Variants in UBASH3B observed in about 807,000 individuals in gnomAD.
The protein encoded by UBASH3B is ubiquitin-associated and SH3 domain-containing protein B.
A neutral mutation model predicts 83.4 loss-of-function variants in UBASH3B; 37 were observed. The ratio of observed to expected loss-of-function variants is 0.44; its 90% CI spans 0.34 to 0.58. The LOEUF (loss-of-function observed/expected upper bound fraction) is 0.58. Among genes scored for constraint, UBASH3B ranks in the 20% least tolerant of loss-of-function variants. The pLI is 0.01. For missense variants in UBASH3B, 657 were observed against 827.2 expected, an observed-to-expected ratio of 0.79 and a Z score of 2.52; for synonymous variants, 304 against 318.3, an observed-to-expected ratio of 0.96 and a Z score of 0.48.
chr11:122,780,578 G>A (rs1418912512), intron 4 of UBASH3B, among the ~76,000 whole-genome samples: 1 of 152,240 alleles, frequency 6.6e-6, no homozygotes, highest in African/African-American at 2.4e-5. Flanking sequence ...ACAGGGAAGA[G>A]AACAAGAAGT....
Position 122,699,262 on chromosome 11 carries a change from A to G in UBASH3B, c.161+43052A>G, listed in dbSNP as rs184873862. ...TATTTTATTTAATCCTCATGGCAAC[A>G]CTCAGTGTCTTACAGATGGAAAAAT... On this transcript the variant is annotated intron_variant, in intron 1 of 13. Transcript: ENST00000284273. Among the ~76,000 whole-genome samples, 176 of 152,326 alleles carry G rather than the reference A, an allele frequency of 1.2e-3. 1 individual carries two copies. Among genetic ancestry groups the G allele is most frequent in the Non-Finnish European group, 1.1e-3 (72 of 68,030 alleles).
intron 1 of UBASH3B, among the ~76,000 whole-genome samples, chr11:122,774,905 T>A (rs756830039): frequency 2.0e-5 from 3 of 152,130 alleles, no homozygotes; most frequent in African/African-American, 4.8e-5. Context: ...CAGATTTCAC[T>A]TGAAATGTTC....
rs1486346081 is a variant in UBASH3B, at chr11:122,759,810, CACGT to C, written c.162-16406_162-16403del. ...CTGTGCAGCCTGGCTCCTAACAGGCCACGTACCAGTACCCATCTGTGGCTCAGGG... is the reference window on the plus strand; with the variant it reads ...CTGTGCAGCCTGGCTCCTAACAGGCCACCAGTACCCATCTGTGGCTCAGGG... On this transcript the variant is annotated intron_variant, in intron 1 of 13. Coordinates refer to ENST00000284273, the MANE Select transcript of UBASH3B (RefSeq NM_032873.5). This position sits in a 1 kb window ranked among gnomAD's most constrained non-coding sequence, Gnocchi z 4.1. 2.0e-5 allele frequency among the ~76,000 whole-genome samples: 3 copies of C among 152,208 alleles called. No homozygotes were observed. Among genetic ancestry groups the C allele is most frequent in the Non-Finnish European group, 4.4e-5 (3 of 68,052 alleles).
At chr11:122,680,239 C>T (rs890908093) in intron 1 of UBASH3B, among the ~76,000 whole-genome samples, 1 of 152,218 alleles carries the variant, frequency 6.6e-6, no homozygotes, top group African/African-American at 2.4e-5. Context: ...GGCTCTTGAT[C>T]TGTGGGTTTC....
intron 1 of UBASH3B, among the ~76,000 whole-genome samples, chr11:122,694,764 A>C (rs1168122918): frequency 1.3e-5 from 2 of 151,976 alleles, no homozygotes; most frequent in East Asian, 1.9e-4. Flanking sequence ...AGAGCTCCTA[A>C]AACAAGCCTT....
chr11:122,785,867 A>T (rs931548398), intron 5 of UBASH3B, among the ~76,000 whole-genome samples: 2 of 152,202 alleles, frequency 1.3e-5, no homozygotes, highest in East Asian at 3.9e-4. Flanking sequence ...ACAGCAACGA[A>T]AAATTGCTGC....
At chr11:122,666,828 G>A (rs1255859829) in intron 1 of UBASH3B, among the ~76,000 whole-genome samples, 6 of 151,800 alleles carry the variant, frequency 4.0e-5, no homozygotes, top group Admixed American at 2.6e-4. Flanking sequence ...CCACTGTAAT[G>A]CATCTGGCTC....
At chr11:122,777,304 A>G in intron 3 of UBASH3B, 94 bp downstream of exon 3, 1 of 1,360,380 alleles carries the variant, frequency 7.4e-7, no homozygotes, top group Non-Finnish European at 9.9e-7. Context: ...TCGCAGGAAG[A>G]CAGCAGGAAT....
At chr11:122,769,588 C>T (rs1187854190) in intron 1 of UBASH3B, among the ~76,000 whole-genome samples, 8 of 152,352 alleles carry the variant, frequency 5.3e-5, no homozygotes, top group African/African-American at 1.9e-4. Context: ...GTTGAGCAGC[C>T]TCAGAGCATC....
At chr11:122,756,997 G>A (rs1861292441) in intron 1 of UBASH3B, among the ~76,000 whole-genome samples, 1 of 152,338 alleles carries the variant, frequency 6.6e-6, no homozygotes, top group East Asian at 1.9e-4. Flanking sequence ...ATTGAAGTAA[G>A]TGATCTTAGT....
intron 1 of UBASH3B, among the ~76,000 whole-genome samples, chr11:122,702,221 G>A (rs186861097): frequency 6.7e-4 from 102 of 152,250 alleles, no homozygotes; most frequent in African/African-American, 2.5e-3. Flanking sequence ...CGAATTATTT[G>A]CTTTAGTAAT....
intron 11 of UBASH3B, among the ~76,000 whole-genome samples, chr11:122,801,952 G>A (rs1861265232): frequency 6.6e-6 from 1 of 151,994 alleles, no homozygotes; most frequent in Non-Finnish European, 1.5e-5. Flanking sequence ...CATTAGACCC[G>A]ACTGTGCTGG....
At position 122,812,815 on chromosome 11, in the gene UBASH3B, A is replaced by G. The variant is rs1478784724; in HGVS notation, c.*2929A>G. ...CAGAGTAATTGGCACATTTTAATGC[A>G]TAAGCTGGGGGTTTCATTTTCCCAG... On this transcript the variant is annotated 3_prime_UTR_variant, in exon 14 of 14. Transcript: ENST00000284273. The G allele has an allele frequency of 3.3e-5, 5 of 152,206 alleles. No individual in the cohort carries two copies. Among genetic ancestry groups the G allele is most frequent in the African/African-American group, 1.2e-4 (5 of 41,454 alleles). The allele number at this position is 152,206 out of a possible 1,614,324, so 9.4% of individuals were successfully genotyped here.
intron 1 of UBASH3B, among the ~76,000 whole-genome samples, chr11:122,720,823 A>G (rs577971405): frequency 2.0e-5 from 3 of 152,218 alleles, no homozygotes; most frequent in African/African-American, 7.2e-5. Context: ...ATTTTTTCCA[A>G]AACGCTTACT....
In UBASH3B at chr11:122,813,671, A is replaced by C. The variant is rs1195308148; in HGVS notation, c.*3785A>C. 6.6e-6 allele frequency: 1 copy of C among 152,182 alleles called. No homozygotes were observed. The highest frequency in any genetic ancestry group is 1.5e-5 in the Non-Finnish European group (1 of 68,020). The allele number at this position is 152,182 out of a possible 1,614,324, so 9.4% of individuals were successfully genotyped here. ...CGGGGAGAGATGAGACAGGCAGAGG[A>C]GGGTGGGGTAAAGAGCGATTTAACA... On this transcript the variant is annotated 3_prime_UTR_variant, in exon 14 of 14. Coordinates refer to ENST00000284273, the MANE Select transcript of UBASH3B (RefSeq NM_032873.5).
intron 1 of UBASH3B, among the ~76,000 whole-genome samples, chr11:122,729,815 A>AAAC (rs1565544274): frequency 2.7e-5 from 4 of 145,752 alleles, no homozygotes; most frequent in African/African-American, 1.1e-4. Flanking sequence ...AAAAAAAAAA[A>AAAC]AAAACCCTAA....
At position 122,759,245 on chromosome 11, in the gene UBASH3B, G is replaced by C. The variant is rs142197855; in HGVS notation, c.162-16974G>C. Among the ~76,000 whole-genome samples, 386 of 152,332 alleles carry C rather than the reference G, an allele frequency of 2.5e-3. No individual in the cohort carries two copies. The highest frequency in any genetic ancestry group is 0.02 in the Middle Eastern group (6 of 294). On this transcript the variant is annotated intron_variant, in intron 1 of 13. Transcript: ENST00000284273. This position sits in a 1 kb window ranked among gnomAD's most constrained non-coding sequence, Gnocchi z 4.1. The stretch of plus-strand genomic sequence containing the variant: ...CTCTCAGGTCCTAACGAGGCTGCCT[G>C]CAGTTCCTTGCCACGTGGCTGTCTT...
intron 1 of UBASH3B, among the ~76,000 whole-genome samples, chr11:122,720,234 C>G (rs990310211): frequency 2.4e-4 from 36 of 152,312 alleles, no homozygotes; most frequent in African/African-American, 8.7e-4. Context: ...TTGTCATCTC[C>G]AAGCAGGATA....
intron 1 of UBASH3B, among the ~76,000 whole-genome samples, chr11:122,728,810 CA>C (rs1473644570): frequency 2.0e-5 from 3 of 152,198 alleles, no homozygotes; most frequent in African/African-American, 7.2e-5. Context: ...ACATCTAGCA[CA>C]GGGGCAGAAA....
Sources: allele counts gnomAD v4.1 joint callset (sites outside exome capture counted in the v4.1 genomes callset), GRCh38; gene constraint gnomAD v4.1.1; non-coding constraint Gnocchi (gnomAD v3.1); transcripts MANE v1.5; gene names NCBI Gene and HGNC (gene_info 2026-07-23, HGNC 2026-07-21).